Variants in SYN3 observed in about 807,000 individuals in gnomAD.
SYN3 encodes synapsin-3.
SYN3 carries 35 observed loss-of-function variants against 65.8 expected under a neutral mutation model. The ratio of observed to expected loss-of-function variants is 0.53; its 90% confidence interval spans 0.41 to 0.70. The LOEUF (loss-of-function observed/expected upper bound fraction) is 0.70, where lower values mean the gene tolerates loss of function less well. SYN3 is among the 30% of genes least tolerant of loss of function. The pLI is 0.00. For synonymous variants in SYN3, 270 were observed against 292.9 expected (o/e 0.92, Z 0.80); for missense variants, 680 against 749.0 (o/e 0.91, Z 1.08).
chr22:32,596,950 T>C (rs916775553), intron 6 of SYN3, among the ~76,000 whole-genome samples: 1 of 152,210 alleles, frequency 6.6e-6, no homozygotes, highest in African/African-American at 2.4e-5. Context: ...TAAGACCAGC[T>C]TGTCTGGGGC....
rs531361353 is a variant in SYN3, at chr22:32,718,738, A to C, written c.712-122002T>G. 5.3e-4 allele frequency among the ~76,000 whole-genome samples: 80 copies of C among 152,204 alleles called. 1 individual carries two copies. Among genetic ancestry groups the C allele is most frequent in the Admixed American group, 2.6e-3 (39 of 15,292 alleles). ...CAAGAGATAGGTTTAACATAACTTT[A>C]GACACAAATGAAGACAGGATCAATG... On this transcript the variant is annotated intron_variant, in intron 6 of 13. Coordinates refer to ENST00000358763, the MANE Select transcript of SYN3 (RefSeq NM_003490.4).
chr22:32,885,891 T>TG lies in SYN3; in HGVS notation c.462-16767dup, dbSNP rs529417271. On this transcript the variant is annotated intron_variant, in intron 4 of 13. Coordinates refer to ENST00000358763, the MANE Select transcript of SYN3 (RefSeq NM_003490.4). ...TCCCTTTTCTAAACACCTTTCCCAG[T>TG]GGGAACAGAATGACCACAGCTGGCT... 5.9e-5 allele frequency among the ~76,000 whole-genome samples: 9 copies of TG among 152,172 alleles called. No homozygotes were observed. The South Asian group carries it at 1.9e-3, about 32-fold the overall frequency.
chr22:32,770,443 A>G (rs1287663672), intron 6 of SYN3, among the ~76,000 whole-genome samples: 1 of 151,816 alleles, frequency 6.6e-6, no homozygotes, highest in East Asian at 1.9e-4. Flanking sequence ...TCCCCATAAC[A>G]TCTCTACCCT....
chr22:32,767,955 A>G (rs2045672271), intron 6 of SYN3, among the ~76,000 whole-genome samples: 1 of 152,180 alleles, frequency 6.6e-6, no homozygotes, highest in Non-Finnish European at 1.5e-5. Context: ...GATGTCTAAC[A>G]CGCATTTCTA....
chr22:32,859,384 G>A, intron 6 of SYN3: 7 of 1,606,560 alleles, frequency 4.4e-6, no homozygotes, highest in Non-Finnish European at 5.9e-6. Flanking sequence ...CTGAGCGCCA[G>A]ACCCTGCCCC....
intron 6 of SYN3, among the ~76,000 whole-genome samples, chr22:32,622,747 T>C (rs1251328835): frequency 7.2e-6 from 1 of 138,590 alleles, no homozygotes; most frequent in African/African-American, 2.7e-5. Flanking sequence ...AAAAAAAAAG[T>C]TTCTCTGTAC....
At chr22:32,845,602 GAC>G (rs1260484059) in intron 6 of SYN3, among the ~76,000 whole-genome samples, 4 of 152,172 alleles carry the variant, frequency 2.6e-5, no homozygotes. Flanking sequence ...CAATGTTCCA[GAC>G]ACCAACCTAG....
chr22:32,950,576 T>C (rs1206127317), intron 3 of SYN3, among the ~76,000 whole-genome samples: 2 of 152,178 alleles, frequency 1.3e-5, no homozygotes, highest in Non-Finnish European at 2.9e-5. Context: ...CTTCTTCTGA[T>C]TCCCAGGAGG....
chr22:32,707,681 T>C (rs944023287), intron 6 of SYN3, among the ~76,000 whole-genome samples: 2 of 151,890 alleles, frequency 1.3e-5, no homozygotes, highest in African/African-American at 2.4e-5. Context: ...GAAATGGAGA[T>C]TTTTTCCCTT....
chr22:32,979,796 T>G (rs1304057647), intron 3 of SYN3, among the ~76,000 whole-genome samples: 1 of 152,158 alleles, frequency 6.6e-6, no homozygotes, highest in Non-Finnish European at 1.5e-5. Context: ...TTGCCCCAGT[T>G]GGACAGATGA....
At chr22:32,796,404 C>T (rs2046429070) in intron 6 of SYN3, among the ~76,000 whole-genome samples, 1 of 152,148 alleles carries the variant, frequency 6.6e-6, no homozygotes, top group African/African-American at 2.4e-5. Context: ...CGAATGTAGC[C>T]AGAGGCGAAT....
intron 7 of SYN3, among the ~76,000 whole-genome samples, chr22:32,586,422 T>C (rs2059043109): frequency 6.6e-6 from 1 of 152,228 alleles, no homozygotes; most frequent in Admixed American, 6.5e-5. Flanking sequence ...TCAATGCCAA[T>C]GGTACTGTAT....
rs761147851 is a variant in SYN3 at position 33,006,441 on chromosome 22, G to C, written c.222C>G (p.Thr74=). 36 of 1,614,054 alleles carry C rather than the reference G, an allele frequency of 2.2e-5. No individual in the cohort carries two copies. Among genetic ancestry groups the C allele is most frequent in the Non-Finnish European group, 3.0e-5 (35 of 1,180,038 alleles). The change falls in exon 2 of 14, where the codon ACC becomes ACG. Residue 74 remains threonine (T), a synonymous_variant. Transcript: ENST00000358763. ...SSAMKQAPQA[T]SGLMEPPGPS... is the part of the protein sequence containing the mutation. ...GACCTGGAGGCTCCATCAGTCCTGAGGTGGCCTGAGGGGCCTGCTTCATGG... is the reference window on the plus strand; with the variant it reads ...GACCTGGAGGCTCCATCAGTCCTGACGTGGCCTGAGGGGCCTGCTTCATGG...
intron 6 of SYN3, among the ~76,000 whole-genome samples, chr22:32,804,288 C>T (rs192778935): frequency 6.0e-4 from 91 of 152,256 alleles, no homozygotes; most frequent in Non-Finnish European, 9.4e-4. Flanking sequence ...GCTTGCCTGC[C>T]GACCTCCCTC....
chr22:32,596,573 C>T, intron 7 of SYN3, 101 bp downstream of exon 7: 1 of 1,193,882 alleles, frequency 8.4e-7, no homozygotes, highest in Non-Finnish European at 1.2e-6. Flanking sequence ...GTTCTGGGTG[C>T]CTGTGCTAAG....
chr22:32,579,436 G>T (rs1041496343), intron 7 of SYN3, among the ~76,000 whole-genome samples: 2 of 152,154 alleles, frequency 1.3e-5, no homozygotes, highest in African/African-American at 4.8e-5. Flanking sequence ...AGCGGAAGGG[G>T]CAAGGGAGCT....
chr22:32,817,581 C>T lies in SYN3; in HGVS notation c.711+47334G>A, dbSNP rs192944099. On this transcript the variant is annotated intron_variant, in intron 6 of 13. Transcript: ENST00000358763. The stretch of plus-strand genomic sequence containing the variant: ...ATGGCTGTAGTGGTGCCAGTGGGTG[C>T]TTTGTAGGGACCAGAAGAAAAAGGA... Among the ~76,000 whole-genome samples, 126 of 152,228 alleles carry T rather than the reference C, an allele frequency of 8.3e-4. 2 individuals are homozygous for T. Among genetic ancestry groups the T allele is most frequent in the African/African-American group, 2.7e-3 (112 of 41,554 alleles).
intron 6 of SYN3, among the ~76,000 whole-genome samples, chr22:32,736,557 T>C (rs2061338769): frequency 6.6e-6 from 1 of 152,136 alleles, no homozygotes; most frequent in South Asian, 2.1e-4. Context: ...CCCACAATGA[T>C]CTTATGAGAC....
At chr22:32,859,212 G>C (rs1167717738) in intron 6 of SYN3, 6 of 1,614,144 alleles carry the variant, frequency 3.7e-6, no homozygotes. Flanking sequence ...CTTGCTTTGT[G>C]ACTTCCAAGA....
Sources: gnomAD v4.1 joint callset for allele counts (sites outside exome capture counted in the v4.1 genomes callset) on GRCh38, gnomAD v4.1.1 for gene constraint, MANE v1.5 for transcripts, NCBI Gene and HGNC (gene_info 2026-07-23, HGNC 2026-07-21) for gene names.